Variants in COL6A1 observed in about 807,000 individuals in gnomAD.
COL6A1 encodes collagen type VI alpha 1 chain.
Under a neutral mutation model 145.6 loss-of-function variants are expected in COL6A1, and 80 were observed. The ratio of observed to expected loss-of-function variants is 0.55; its 90% CI spans 0.46 to 0.66. The LOEUF (loss-of-function observed/expected upper bound fraction) is 0.66, where lower values mean the gene tolerates loss of function less well. Among genes scored for constraint, COL6A1 ranks in the 30% least tolerant of loss-of-function variants. The pLI is 0.00. For synonymous variants in COL6A1, 638 were observed against 622.8 expected (o/e 1.02, Z -0.36); for missense variants, 1,364 against 1,473.8 (o/e 0.93, Z 1.22).
In COL6A1 at chr21:45,984,389, C is replaced by A; in HGVS notation, c.348C>A (p.Ser116Arg). 1 of 1,612,748 alleles carries A rather than the reference C, an allele frequency of 6.2e-7. No individual in the cohort carries two copies. Among genetic ancestry groups the A allele is most frequent in the Non-Finnish European group, 8.5e-7 (1 of 1,179,966 alleles). Residue 116 changes from serine to arginine, a missense_variant, in exon 3 of 35, where the codon AGC becomes AGA. Physicochemically the swap from Ser to Arg is moderately radical, Grantham distance 110 (BLOSUM62 -1). Around this residue, in one of 3 missense-constraint regions of COL6A1, gnomAD observed 414 missense variants for 437.6 expected, o/e 0.95. Coordinates refer to ENST00000361866, the MANE Select transcript of COL6A1 (RefSeq NM_001848.3). Reference sequence around the variant, plus strand: ...GCGGCCGCGACGCACTCAAAAGCAGCGTGGACGCGGTCAAGTACTTTGGGA... The same window carrying A: ...GCGGCCGCGACGCACTCAAAAGCAGAGTGGACGCGGTCAAGTACTTTGGGA... ...MPGGRDALKS[S>R]VDAVKYFGKG...
At chr21:45,988,872 C>T (rs1484971415) in intron 8 of COL6A1, among the ~76,000 whole-genome samples, 1 of 152,112 alleles carries the variant, frequency 6.6e-6, no homozygotes. Flanking sequence ...GTCAGCAAAG[C>T]CGAGCAGACA....
At chr21:45,988,424 C>CTCCAGATGGAGGGGACGGCGGGG (rs2077755215) in intron 8 of COL6A1, among the ~76,000 whole-genome samples, 1 of 58,998 alleles carries the variant, frequency 1.7e-5, no homozygotes, top group East Asian at 4.5e-4. Context: ...GACGTCGGGG[C>CTCCAGATGGAGGGGACGGCGGGG]TCCAGATGGA....
chr21:46,000,150 CAG>C (rs940510656), intron 27 of COL6A1, among the ~76,000 whole-genome samples, 179 bp from the exon 28 acceptor site: 4 of 150,692 alleles, frequency 2.7e-5, no homozygotes, highest in African/African-American at 9.8e-5. Flanking sequence ...ATGACCACGT[CAG>C]GGGTCCAGCC....
intron 8 of COL6A1, among the ~76,000 whole-genome samples, chr21:45,988,850 C>G (rs1331079621): frequency 6.6e-6 from 1 of 152,114 alleles, no homozygotes; most frequent in Non-Finnish European, 1.5e-5. Context: ...TCCCTCCCAC[C>G]TGTGCCTGGG....
Position 46,004,826 on chromosome 21 carries a change from C to CCGCA in COL6A1, c.*814_*817dup. On this transcript the variant is annotated 3_prime_UTR_variant, in exon 35 of 35. Coordinates refer to ENST00000361866, the MANE Select transcript of COL6A1 (RefSeq NM_001848.3). ...TGCTAACCCCGTCTGCTCCTCCCTC[C>CCGCA]CGCAGAGACTGGGGCCTGGACTGGA... is the stretch of plus-strand genomic sequence containing the variant. The CCGCA allele has an allele frequency of 3.2e-6, 1 of 316,594 alleles. No individual in the cohort carries two copies. The highest frequency in any genetic ancestry group is 6.7e-6 in the Non-Finnish European group (1 of 148,446). 19.6% of individuals were successfully genotyped at this position (316,594 alleles called of 1,614,324 possible).
In COL6A1 at chr21:45,994,250, G is replaced by T; in HGVS notation, c.1398+21G>T. On this transcript the variant is annotated intron_variant, in intron 20 of 34. Transcript: ENST00000361866. The surrounding 1 kb of genome is among the most constrained non-coding windows in gnomAD (Gnocchi z 6.8). ...ACCCGGTAGGAAGCGCTGTGGGGTT[G>T]GGGGGCGTTGGCCAATTTGGGTTTT... The T allele has an allele frequency of 6.2e-7, 1 of 1,602,814 alleles. No homozygotes were observed. The highest frequency in any genetic ancestry group is 8.5e-7 in the Non-Finnish European group (1 of 1,175,106).
In COL6A1 at chr21:46,002,086, G is replaced by C; in HGVS notation, c.2066+16G>C. On this transcript the variant is annotated intron_variant, in intron 31 of 34. Transcript: ENST00000361866. ...AGCTCAAGGAGTGAGTGCCCCACGC[G>C]GCCAGGACCCTCCCACCCCTCGCCC... 5.6e-6 allele frequency: 9 copies of C among 1,604,354 alleles called. No homozygotes were observed. Among genetic ancestry groups the C allele is most frequent in the Non-Finnish European group, 7.6e-6 (9 of 1,176,732 alleles).
chr21:45,989,865 TCCCTGA>T, intron 11 of COL6A1, 87 bp downstream of exon 11: 1 of 1,551,820 alleles, frequency 6.4e-7, no homozygotes, highest in Non-Finnish European at 8.9e-7. Context: ...GAGGACAGTG[TCCCTGA>T]CAGGAGACCA....
chr21:45,983,068 G>A (rs951621221), intron 2 of COL6A1, among the ~76,000 whole-genome samples: 4 of 151,214 alleles, frequency 2.6e-5, no homozygotes, highest in African/African-American at 9.9e-5. Context: ...GTAGGGAAGA[G>A]AGGCTCCCGC....
intron 2 of COL6A1, 90 bp downstream of exon 2, chr21:45,982,853 C>G (rs183054027): frequency 1.3e-6 from 2 of 1,560,932 alleles, no homozygotes; most frequent in African/African-American, 2.7e-5. Flanking sequence ...GTGCGACGGC[C>G]TCAACCTCCT....
At chr21:45,985,052 ACAGT>A (rs935216458) in intron 3 of COL6A1, among the ~76,000 whole-genome samples, 24 of 152,088 alleles carry the variant, frequency 1.6e-4, no homozygotes, top group East Asian at 7.7e-4. Flanking sequence ...AGAAACAAAG[ACAGT>A]CAGAGACAGA....
rs1177728735 is a variant in COL6A1 at position 45,987,005 on chromosome 21, A to T, written c.650A>T (p.Asp217Val). The T allele has an allele frequency of 1.3e-6, 2 of 1,551,450 alleles. No homozygotes were observed. Among genetic ancestry groups the T allele is most frequent in the East Asian group, 4.9e-5 (2 of 41,168 alleles). ...TACCGGCGCAACTTCACGGCGGCTG[A>T]CTGGGGCCAGAGCCGCGACGCAGAG... ...HTYRRNFTAA[D>V]WGQSRDAEEA... The change falls in exon 5 of 35, where the codon GAC becomes GTC. Residue 217 changes from aspartate (D) to valine (V), a missense_variant. Asp to Val is a radical substitution (Grantham distance 152, BLOSUM62 -3). Transcript: ENST00000361866.
intron 30 of COL6A1, among the ~76,000 whole-genome samples, chr21:46,001,654 G>A (rs553568057): frequency 6.6e-6 from 1 of 152,218 alleles, no homozygotes; most frequent in African/African-American, 2.4e-5. Context: ...TGAGTGCTGG[G>A]TGTGGGCTTG....
At position 46,004,013 on chromosome 21, in the gene COL6A1, G is replaced by A. The variant is rs2077866182; in HGVS notation, c.3087G>A (p.Ter1029=). ...TCTCCAGGAAGGTGGCGCTGGGCTA[G>A]CCCACCCTGCACGCCGGCACCAAAC... is the stretch of plus-strand genomic sequence containing the variant. ...QTVSRKVALG[*] The change falls in exon 35 of 35, where the codon TAG becomes TAA. Residue 1029 remains the stop codon, a stop_retained_variant. Coordinates refer to ENST00000361866, the MANE Select transcript of COL6A1 (RefSeq NM_001848.3). 6.2e-7 allele frequency: 1 copy of A among 1,613,054 alleles called. No individual in the cohort carries two copies. The highest frequency in any genetic ancestry group is 1.3e-5 in the African/African-American group (1 of 75,072).
intron 19 of COL6A1, among the ~76,000 whole-genome samples, chr21:45,993,876 G>C (rs2077790278): frequency 6.6e-6 from 1 of 152,224 alleles, no homozygotes; most frequent in Non-Finnish European, 1.5e-5. Context: ...ACAAACACTT[G>C]CCGGGTCCAC....
Position 45,992,350 on chromosome 21 carries a change from C to G in COL6A1, c.1237-13C>G. The stretch of plus-strand genomic sequence containing the variant: ...ACCAGACTAACGCCGGCGTCTGTTT[C>G]TCTTCATCCCAGGGGAACCCAGGAC... On this transcript the variant is annotated splice_polypyrimidine_tract_variant and intron_variant, in intron 17 of 34. Transcript: ENST00000361866. 6.2e-7 allele frequency: 1 copy of G among 1,613,798 alleles called. No individual in the cohort carries two copies.
Position 46,003,513 on chromosome 21 carries a change from G to A in COL6A1, c.2587G>A (p.Gly863Ser), listed in dbSNP as rs1405299758. 6.8e-6 allele frequency: 11 copies of A among 1,611,652 alleles called. No homozygotes were observed. The highest frequency in any genetic ancestry group is 7.6e-6 in the Non-Finnish European group (9 of 1,179,502). ...KRLAERFLTA[G>S]RTDPAHDVRV... ...CCTGGCCGAGCGCTTCCTCACAGCG[G>A]GCAGGACGGACCCCGCCCACGACGT... Residue 863 changes from glycine (G) to serine (S), a missense_variant, in exon 35 of 35, where the codon GGC becomes AGC. Transcript: ENST00000361866.
rs560900659 is a variant in COL6A1 at position 46,000,447 on chromosome 21, T to C, written c.1813+80T>C. The C allele has an allele frequency of 5.2e-6, 8 of 1,524,836 alleles. No individual in the cohort carries two copies. In the East Asian group the frequency reaches 1.8e-4, roughly 34 times the overall value. The allele number at this position is 1,524,836 out of a possible 1,614,324, so 94.5% of individuals were successfully genotyped here. A position where few individuals can be genotyped will look rare whatever the true frequency, so the allele number is the denominator to read the frequency against. ...CCTGTTCCACTCCTAGAAGGGTGTCTCCACTGTTGGGGGCCTGGGTCTCTG... is the reference window on the plus strand; with the variant it reads ...CCTGTTCCACTCCTAGAAGGGTGTCCCCACTGTTGGGGGCCTGGGTCTCTG... On this transcript the variant is annotated intron_variant, in intron 28 of 34. Transcript: ENST00000361866.
chr21:46,002,221 C>T lies in COL6A1; in HGVS notation c.2070C>T (p.Ala690=), dbSNP rs1421386259. The part of the protein sequence containing the change: ...SIRNVQELKE[A]IKSLQWMAGG... ...CTTCCTGCCCTTTGCTATGCAGAGC[C>T]ATCAAGAGCCTGCAGTGGATGGCGG... The change falls in exon 32 of 35, where the codon GCC becomes GCT. Residue 690 remains alanine, a synonymous_variant. Coordinates refer to ENST00000361866, the MANE Select transcript of COL6A1 (RefSeq NM_001848.3). 2 of 1,601,146 alleles carry T rather than the reference C, an allele frequency of 1.2e-6. No individual in the cohort carries two copies. Among genetic ancestry groups the T allele is most frequent in the Admixed American group, 1.7e-5 (1 of 58,684 alleles).
Sources: gnomAD v4.1 joint callset for allele counts (sites outside exome capture counted in the v4.1 genomes callset) on GRCh38, gnomAD v4.1.1 for gene constraint, gnomAD v4.1.1 regional missense constraint, Gnocchi (gnomAD v3.1) non-coding constraint, MANE v1.5 for transcripts, NCBI Gene and HGNC (gene_info 2026-07-23, HGNC 2026-07-21) for gene names.